CGGBP1: variants seen among roughly 807,000 people sequenced by gnomAD.
CGGBP1 encodes the protein CGG triplet repeat-binding protein 1.
CGGBP1 carries 4 observed loss-of-function variants against 11.4 expected under a neutral mutation model. That is an observed-to-expected ratio of 0.35 (90% CI 0.17 to 0.80). The LOEUF (loss-of-function observed/expected upper bound fraction) is 0.80, where lower values mean the gene tolerates loss of function less well. CGGBP1 is among the 30% of genes least tolerant of loss of function. The pLI is 0.52. For missense variants in CGGBP1, 135 were observed against 202.1 expected, an observed-to-expected ratio of 0.67 and a Z score of 2.01; for synonymous variants, 76 against 74.1, an observed-to-expected ratio of 1.03 and a Z score of -0.13.
chr3:88,123,036 A>C (rs2107807010), intron 2 of CGGBP1, among the ~76,000 whole-genome samples: 1 of 151,876 alleles, frequency 6.6e-6, no homozygotes, highest in Non-Finnish European at 1.5e-5. Context: ...AGTAAAAAGA[A>C]AAAAAGAAAA....
intron 2 of CGGBP1, chr3:88,129,078 A>C: frequency 9.0e-7 from 1 of 1,110,462 alleles, no homozygotes; most frequent in South Asian, 1.6e-5. Flanking sequence ...AAAAAAAAAA[A>C]GTAGCCCACT....
At chr3:88,087,166 C>T (rs185055227) in intron 2 of CGGBP1, among the ~76,000 whole-genome samples, 2 of 152,246 alleles carry the variant, frequency 1.3e-5, no homozygotes, top group African/African-American at 4.8e-5. Context: ...GCAACCTCTA[C>T]CTCCCAGGTT....
chr3:88,095,478 T>C, intron 2 of CGGBP1: 1 of 411,624 alleles, frequency 2.4e-6, no homozygotes, highest in Non-Finnish European at 4.7e-6. Flanking sequence ...CAGTCTCTCT[T>C]CATAAAATGC....
At position 88,093,657 on chromosome 3, in the gene CGGBP1, G is replaced by C. The variant is rs184174093; in HGVS notation, c.-228-35434C>G. Among the ~76,000 whole-genome samples the C allele has an allele frequency of 3.9e-5, 6 of 152,318 alleles. No individual in the cohort carries two copies. In the South Asian group the frequency reaches 1.0e-3, roughly 26 times the overall value. ...GGACTAGACTACACATGTAATGTTA[G>C]ATCACTGATCCTTTCTGATTATGTT... On this transcript the variant is annotated intron_variant, in intron 2 of 3. Coordinates refer to the CGGBP1 transcript ENST00000462901.
intron 2 of CGGBP1, among the ~76,000 whole-genome samples, chr3:88,109,830 T>G (rs1175074546): frequency 2.0e-5 from 3 of 152,098 alleles, no homozygotes. Context: ...TTAAACACAT[T>G]TATTGTAGAA....
intron 2 of CGGBP1, among the ~76,000 whole-genome samples, chr3:88,118,934 G>T (rs1484433618): frequency 6.7e-6 from 1 of 149,540 alleles, no homozygotes; most frequent in Non-Finnish European, 1.5e-5. Context: ...TACACTGTTG[G>T]TGGGACTGTA....
At chr3:88,123,784 C>T (rs1705922552) in intron 2 of CGGBP1, among the ~76,000 whole-genome samples, 1 of 152,156 alleles carries the variant, frequency 6.6e-6, no homozygotes, top group South Asian at 2.1e-4. Context: ...ACCAATGACT[C>T]AGGGACTAGT....
intron 1 of CGGBP1, among the ~76,000 whole-genome samples, chr3:88,145,399 A>G (rs1344207859): frequency 6.6e-6 from 1 of 152,100 alleles, no homozygotes; most frequent in Non-Finnish European, 1.5e-5. Flanking sequence ...TGTTATTGAA[A>G]CATTCTAGAG....
At chr3:88,096,234 A>G (rs1338866550) in intron 2 of CGGBP1, among the ~76,000 whole-genome samples, 1 of 152,082 alleles carries the variant, frequency 6.6e-6, no homozygotes, top group Non-Finnish European at 1.5e-5. Context: ...TAGACAGGAG[A>G]TGGTGAACCT....
chr3:88,059,131 C>A (rs1176700170), upstream of CGGBP1: 1 of 1,110,116 alleles, frequency 9.0e-7, no homozygotes, highest in Non-Finnish European at 1.2e-6. Context: ...TGATTGGCAG[C>A]TTGCGTCTTC....
upstream of CGGBP1, among the ~76,000 whole-genome samples, chr3:88,060,359 C>T (rs543234607): frequency 9.9e-5 from 15 of 152,248 alleles, no homozygotes; most frequent in East Asian, 2.7e-3. Flanking sequence ...TCAAATATAA[C>T]AAATATACCC....
At chr3:88,111,470 C>T (rs1001939616) in intron 2 of CGGBP1, among the ~76,000 whole-genome samples, 4 of 151,764 alleles carry the variant, frequency 2.6e-5, no homozygotes, top group African/African-American at 9.7e-5. Context: ...ATCTCTGGGT[C>T]TTTGCTTAAC....
intron 2 of CGGBP1, among the ~76,000 whole-genome samples, chr3:88,102,506 G>A (rs1253160366): frequency 6.6e-6 from 1 of 152,122 alleles, no homozygotes; most frequent in Non-Finnish European, 1.5e-5. Flanking sequence ...GCGTGATGAA[G>A]GTCTTTTTGT....
In CGGBP1 at chr3:88,094,325, T is replaced by A. The variant is rs78608232; in HGVS notation, c.-228-36102A>T. The stretch of plus-strand genomic sequence containing the variant: ...GTTGTGACTAGCATCTTTTCCCCGG[T>A]AATTTTGGTCTTTATTGCTCCTTTT... On this transcript the variant is annotated intron_variant, in intron 2 of 3. Transcript: ENST00000462901. 5.1e-4 allele frequency among the ~76,000 whole-genome samples: 77 copies of A among 152,242 alleles called. No homozygotes were observed. The East Asian group carries it at 0.014, about 29-fold the overall frequency.
chr3:88,052,793 C>T lies in CGGBP1; in HGVS notation c.*2680G>A, dbSNP rs1706457729. 6.6e-6 allele frequency: 1 copy of T among 152,506 alleles called. No individual in the cohort carries two copies. The highest frequency in any genetic ancestry group is 2.4e-5 in the African/African-American group (1 of 41,404). 9.4% of individuals were successfully genotyped at this position (152,506 alleles called of 1,614,324 possible). A position where few individuals can be genotyped will look rare whatever the true frequency, so the allele number is the denominator to read the frequency against. ...CTCATACACAATCTTTCTTAATTTT[C>T]ACCTTGTAAGAAATGATTACAATGT... On this transcript the variant is annotated 3_prime_UTR_variant, in exon 4 of 4. Coordinates refer to ENST00000482016, the MANE Select transcript of CGGBP1 (RefSeq NM_001008390.2).
intron 2 of CGGBP1, among the ~76,000 whole-genome samples, chr3:88,091,946 A>T (rs1047289866): frequency 5.3e-5 from 8 of 152,212 alleles, no homozygotes; most frequent in African/African-American, 1.9e-4. Context: ...GGACTAAAAC[A>T]CTAGCTTTTC....
chr3:88,147,023 T>C (rs758937884), intron 1 of CGGBP1, among the ~76,000 whole-genome samples: 1 of 152,212 alleles, frequency 6.6e-6, no homozygotes, highest in African/African-American at 2.4e-5. Flanking sequence ...AAAGTAATCC[T>C]GTTCTGAGAC....
At chr3:88,080,530 G>A (rs534533932) in intron 2 of CGGBP1, among the ~76,000 whole-genome samples, 35 of 152,248 alleles carry the variant, frequency 2.3e-4, no homozygotes, top group Non-Finnish European at 4.6e-4. Flanking sequence ...TAGAATAGAA[G>A]TTTAATGATT....
At chr3:88,138,449 G>A (rs1017285720) in intron 2 of CGGBP1, among the ~76,000 whole-genome samples, 154 of 55,340 alleles carry the variant, frequency 2.8e-3, no homozygotes, top group Non-Finnish European at 7.1e-3. Flanking sequence ...ATTATGGATA[G>A]TGGGCTTGTC....
Sources: allele counts gnomAD v4.1 joint callset (sites outside exome capture counted in the v4.1 genomes callset), GRCh38; gene constraint gnomAD v4.1.1; transcripts MANE v1.5; gene names NCBI Gene and HGNC (gene_info 2026-07-23, HGNC 2026-07-21).